TMEM108: variants seen among roughly 807,000 people sequenced by gnomAD.
TMEM108 encodes cancer/testis antigen 124.
TMEM108 carries 12 observed loss-of-function variants against 35.1 expected under a neutral mutation model. That is an observed-to-expected ratio of 0.34 (90% CI 0.22 to 0.55). TMEM108 has a LOEUF of 0.55. TMEM108 is among the 20% of genes least tolerant of loss of function. The pLI is 0.89. For synonymous variants in TMEM108, 287 were observed against 308.6 expected, an observed-to-expected ratio of 0.93 and a Z score of 0.73; for missense variants, 680 against 753.3, an observed-to-expected ratio of 0.90 and a Z score of 1.14.
chr3:133,313,247 G>A (rs2071156343), intron 3 of TMEM108, among the ~76,000 whole-genome samples: 1 of 151,450 alleles, frequency 6.6e-6, no homozygotes, highest in African/African-American at 2.4e-5. Context: ...ACCCAGGCTG[G>A]AGTGCAGTGG....
At chr3:133,382,330 C>T (rs1378756995) in intron 4 of TMEM108, among the ~76,000 whole-genome samples, 1 of 152,234 alleles carries the variant, frequency 6.6e-6, no homozygotes, top group Non-Finnish European at 1.5e-5. Context: ...GCTGTGCCAT[C>T]TGAAGCCATA....
chr3:133,122,718 C>T (rs1201552846), intron 2 of TMEM108, among the ~76,000 whole-genome samples: 2 of 151,932 alleles, frequency 1.3e-5, no homozygotes, highest in African/African-American at 2.4e-5. Context: ...AAAAAATTAG[C>T]TCGGTGTGGT....
chr3:133,150,642 C>A (rs150980550), intron 2 of TMEM108, among the ~76,000 whole-genome samples: 1 of 152,008 alleles, frequency 6.6e-6, no homozygotes, highest in Admixed American at 6.6e-5. Flanking sequence ...AGAATTAGAG[C>A]GTGTGAGCCC....
At chr3:133,111,538 G>A (rs1944224034) in intron 2 of TMEM108, among the ~76,000 whole-genome samples, 1 of 152,132 alleles carries the variant, frequency 6.6e-6, no homozygotes, top group African/African-American at 2.4e-5. Context: ...TATCAAGTCA[G>A]TGAAGTCCTC....
At chr3:133,122,790 G>A (rs1944369408) in intron 2 of TMEM108, among the ~76,000 whole-genome samples, 1 of 150,074 alleles carries the variant, frequency 6.7e-6, no homozygotes, top group South Asian at 2.1e-4. Flanking sequence ...CTGAACCTGG[G>A]AGGCAGAGCT....
At chr3:133,268,531 A>T (rs1242657211) in intron 3 of TMEM108, among the ~76,000 whole-genome samples, 1 of 152,240 alleles carries the variant, frequency 6.6e-6, no homozygotes, top group Non-Finnish European at 1.5e-5. Flanking sequence ...TTCTACTTCA[A>T]AACTAGAATG....
intron 3 of TMEM108, among the ~76,000 whole-genome samples, chr3:133,311,262 T>A (rs1228040070): frequency 6.6e-6 from 1 of 152,174 alleles, no homozygotes; most frequent in East Asian, 1.9e-4. Context: ...AAGTTGGCCT[T>A]GCTAGGTTGG....
At chr3:133,368,609 G>T (rs539057203) in intron 3 of TMEM108, among the ~76,000 whole-genome samples, 1 of 151,660 alleles carries the variant, frequency 6.6e-6, no homozygotes, top group South Asian at 2.1e-4. Flanking sequence ...AGCAAGCAAA[G>T]TAAAAAGATA....
intron 2 of TMEM108, among the ~76,000 whole-genome samples, chr3:133,079,885 G>A (rs1205510253): frequency 6.6e-6 from 1 of 152,128 alleles, no homozygotes; most frequent in Non-Finnish European, 1.5e-5. Flanking sequence ...TCAAGGCAGG[G>A]CCTCATCATG....
intron 3 of TMEM108, among the ~76,000 whole-genome samples, chr3:133,302,459 C>T (rs560941721): frequency 1.7e-5 from 2 of 118,422 alleles, no homozygotes; most frequent in East Asian, 5.6e-4. Flanking sequence ...CTTGCTCTGT[C>T]GCCCAGGCTG....
intron 2 of TMEM108, among the ~76,000 whole-genome samples, chr3:133,128,330 A>G (rs1305058036): frequency 6.6e-6 from 1 of 152,208 alleles, no homozygotes; most frequent in Non-Finnish European, 1.5e-5. Context: ...CCCTTGTTCA[A>G]GACAATTCCA....
In TMEM108 at chr3:133,288,525, A is replaced by G. The variant is rs925941402; in HGVS notation, c.40+59174A>G. Among the ~76,000 whole-genome samples the G allele has an allele frequency of 2.6e-5, 4 of 152,310 alleles. No individual in the cohort carries two copies. In the South Asian group the frequency reaches 8.3e-4, roughly 32 times the overall value. On this transcript the variant is annotated intron_variant, in intron 3 of 5. Coordinates refer to ENST00000321871, the MANE Select transcript of TMEM108 (RefSeq NM_023943.4). The stretch of plus-strand genomic sequence containing the variant: ...ATGTTTGCTCAAATACGCTAGTGGT[A>G]CGTGCATTTGCAGCAGTCCTGTTCC...
chr3:133,389,729 C>T (rs1172216362), intron 4 of TMEM108: 1 of 151,894 alleles, frequency 6.6e-6, no homozygotes, highest in Non-Finnish European at 1.5e-5. Flanking sequence ...ACTTTGGAGT[C>T]CAGATGTCTG....
At chr3:133,295,928 C>T (rs4854579) in intron 3 of TMEM108, among the ~76,000 whole-genome samples, 48,447 of 152,040 alleles carry the variant, frequency 0.32, 8,513 homozygotes, top group East Asian at 0.48. Context: ...TGCCAAAAAA[C>T]GGTAACAGGA....
intron 3 of TMEM108, among the ~76,000 whole-genome samples, chr3:133,300,463 A>T (rs1947206094): frequency 6.6e-6 from 1 of 152,058 alleles, no homozygotes; most frequent in African/African-American, 2.4e-5. Context: ...TTTTCATCAG[A>T]TGTGGTAAGA....
At chr3:133,307,869 T>A (rs924867675) in intron 3 of TMEM108, among the ~76,000 whole-genome samples, 1 of 152,190 alleles carries the variant, frequency 6.6e-6, no homozygotes. Context: ...ATATGAACTT[T>A]AAAGTAGATT....
rs190765657 is a variant in TMEM108 at position 133,174,877 on chromosome 3, C to G, written c.-46-54389C>G. Among the ~76,000 whole-genome samples, 670 of 152,184 alleles carry G rather than the reference C, an allele frequency of 4.4e-3. 3 individuals carry two copies. The highest frequency in any genetic ancestry group is 6.4e-3 in the Non-Finnish European group (432 of 68,008). The stretch of plus-strand genomic sequence containing the variant: ...AAGGCTTCAGACAATCAAACTACTC[C>G]GAGCTAAAGGAGGAAGTTTGAACCC... On this transcript the variant is annotated intron_variant, in intron 2 of 5. Transcript: ENST00000321871.
At chr3:133,078,579 G>A (rs867850869) in intron 2 of TMEM108, among the ~76,000 whole-genome samples, 1 of 152,130 alleles carries the variant, frequency 6.6e-6, no homozygotes, top group East Asian at 1.9e-4. Context: ...GTGATATTTT[G>A]AGTTTTAATT....
At chr3:133,230,663 C>T (rs1946139414) in intron 3 of TMEM108, among the ~76,000 whole-genome samples, 1 of 152,030 alleles carries the variant, frequency 6.6e-6, no homozygotes, top group Admixed American at 6.6e-5. Context: ...GCTTTGTAGC[C>T]AGAAAAACAG....
Sources: allele counts gnomAD v4.1 joint callset (sites outside exome capture counted in the v4.1 genomes callset), GRCh38; gene constraint gnomAD v4.1.1; transcripts MANE v1.5; gene names NCBI Gene and HGNC (gene_info 2026-07-23, HGNC 2026-07-21).